CAMK2D: variants seen among roughly 807,000 people sequenced by gnomAD.
CAMK2D encodes the protein calcium/calmodulin dependent protein kinase II delta.
Under a neutral mutation model 84.0 loss-of-function variants are expected in CAMK2D, and 37 were observed. The observed-to-expected ratio is 0.44, with a 90% CI of 0.34 to 0.58. CAMK2D has a LOEUF of 0.58. Among genes scored for constraint, CAMK2D ranks in the 20% least tolerant of loss-of-function variants. CAMK2D has a pLI of 0.02. For missense variants in CAMK2D, 448 were observed against 652.5 expected (o/e 0.69, Z 3.41); for synonymous variants, 202 against 212.5 (o/e 0.95, Z 0.43).
At chr4:113,656,914 C>A (rs779403021) in intron 3 of CAMK2D, among the ~76,000 whole-genome samples, 1 of 152,166 alleles carries the variant, frequency 6.6e-6, no homozygotes, top group Non-Finnish European at 1.5e-5. Flanking sequence ...CCTTCCTAAG[C>A]CAGCCTAAAT....
intron 3 of CAMK2D, among the ~76,000 whole-genome samples, chr4:113,632,114 G>C (rs560972336): frequency 1.3e-5 from 2 of 152,276 alleles, no homozygotes; most frequent in Admixed American, 1.3e-4. Flanking sequence ...AAGCCTATAT[G>C]ATGTGAATAG....
chr4:113,564,226 GC>G (rs2098712123), intron 4 of CAMK2D, among the ~76,000 whole-genome samples: 1 of 151,962 alleles, frequency 6.6e-6, no homozygotes, highest in Admixed American at 6.6e-5. Flanking sequence ...ATAGTTTCAG[GC>G]CTTTACCATG....
chr4:113,559,028 T>C (rs2098685903), intron 4 of CAMK2D, among the ~76,000 whole-genome samples: 1 of 151,960 alleles, frequency 6.6e-6, no homozygotes, highest in Non-Finnish European at 1.5e-5. Context: ...AAGAGGTAAA[T>C]GGAAGATTAC....
intron 3 of CAMK2D, among the ~76,000 whole-genome samples, chr4:113,655,126 A>G (rs1250653893): frequency 6.6e-6 from 1 of 152,074 alleles, no homozygotes; most frequent in Non-Finnish European, 1.5e-5. Flanking sequence ...TTGGAAGGAA[A>G]TAAAAAAGGC....
intron 16 of CAMK2D, among the ~76,000 whole-genome samples, chr4:113,465,984 G>A (rs2097456470): frequency 6.6e-6 from 1 of 152,080 alleles, no homozygotes; most frequent in Non-Finnish European, 1.5e-5. Context: ...GGGCAAAGTG[G>A]CTCATGCCTG....
At chr4:113,465,997 A>G (rs978795469) in intron 16 of CAMK2D, among the ~76,000 whole-genome samples, 2 of 152,070 alleles carry the variant, frequency 1.3e-5, no homozygotes, top group Non-Finnish European at 2.9e-5. Flanking sequence ...CATGCCTGTA[A>G]TCCCAGCACT....
intron 2 of CAMK2D, among the ~76,000 whole-genome samples, chr4:113,732,504 T>A (rs1174069915): frequency 2.0e-5 from 3 of 152,232 alleles, no homozygotes; most frequent in Non-Finnish European, 4.4e-5. Context: ...TGAGCTGTTA[T>A]GAATTCAGTA....
chr4:113,546,784 C>T (rs892470786), intron 6 of CAMK2D, among the ~76,000 whole-genome samples: 1 of 152,226 alleles, frequency 6.6e-6, no homozygotes, highest in Middle Eastern at 3.4e-3. Context: ...TTTTCGATTT[C>T]TAGGCTTCAC....
At chr4:113,512,212 T>C (rs1396863353) in intron 12 of CAMK2D, among the ~76,000 whole-genome samples, 1 of 152,178 alleles carries the variant, frequency 6.6e-6, no homozygotes, top group Non-Finnish European at 1.5e-5. Flanking sequence ...CTGCTTAGCA[T>C]TGAACAAGAT....
intron 16 of CAMK2D, among the ~76,000 whole-genome samples, chr4:113,475,744 C>G (rs1019168097): frequency 2.0e-5 from 3 of 152,218 alleles, no homozygotes; most frequent in Non-Finnish European, 4.4e-5. Flanking sequence ...CAGGAATATG[C>G]AGCAGCATCT....
At chr4:113,709,526 A>G (rs947373419) in intron 2 of CAMK2D, among the ~76,000 whole-genome samples, 1 of 151,432 alleles carries the variant, frequency 6.6e-6, no homozygotes, top group Admixed American at 6.6e-5. Context: ...TACAGGGTGG[A>G]ATGATTTAAA....
rs1467057214 is a variant in CAMK2D, at chr4:113,455,823, T to C, written c.1536-2A>G. 6.3e-7 allele frequency: 1 copy of C among 1,594,484 alleles called. No individual in the cohort carries two copies. The highest frequency in any genetic ancestry group is 1.1e-5 in the South Asian group (1 of 90,596). On this transcript the variant is annotated splice_acceptor_variant, in intron 19 of 20. Transcript: ENST00000511664. LOFTEE classifies it high-confidence loss of function. ...TTCCCATTTGGAATACAGGGTGGCC[T>C]ATTAAGAGAAGCCCCATTTAAGCCA...
At chr4:113,523,257 A>G (rs1194199540) in intron 8 of CAMK2D, among the ~76,000 whole-genome samples, 1 of 152,202 alleles carries the variant, frequency 6.6e-6, no homozygotes, top group Middle Eastern at 3.2e-3. Flanking sequence ...CATATCCTGT[A>G]ATAATCCTAA....
chr4:113,749,449 A>G (rs2099612152), intron 2 of CAMK2D, among the ~76,000 whole-genome samples: 2 of 152,172 alleles, frequency 1.3e-5, no homozygotes, highest in African/African-American at 2.4e-5. Context: ...AACTGCCTTT[A>G]CTAAAAAAAA....
chr4:113,586,967 A>AT (rs1195969092), intron 4 of CAMK2D, among the ~76,000 whole-genome samples: 1 of 152,226 alleles, frequency 6.6e-6, no homozygotes, highest in Non-Finnish European at 1.5e-5. Context: ...AAGGAAAGAG[A>AT]TAAAAACAAA....
intron 2 of CAMK2D, among the ~76,000 whole-genome samples, chr4:113,709,255 T>C (rs964989617): frequency 1.3e-5 from 2 of 152,190 alleles, no homozygotes; most frequent in African/African-American, 4.8e-5. Flanking sequence ...GAAATTTTAC[T>C]TGTAATCCAA....
chr4:113,582,752 G>A (rs2098816487), intron 4 of CAMK2D, among the ~76,000 whole-genome samples: 1 of 152,048 alleles, frequency 6.6e-6, no homozygotes, highest in Admixed American at 6.6e-5. Flanking sequence ...TAATGTATAA[G>A]GGCTCAGGTG....
intron 17 of CAMK2D, 105 bp from the exon 18 acceptor site, chr4:113,460,346 C>A: frequency 1.3e-6 from 1 of 742,710 alleles, no homozygotes; most frequent in Non-Finnish European, 2.4e-6. Flanking sequence ...AGGAAAGAGC[C>A]TCTAAAAACA....
intron 2 of CAMK2D, among the ~76,000 whole-genome samples, chr4:113,702,772 G>T (rs933934525): frequency 1.3e-5 from 2 of 152,090 alleles, no homozygotes; most frequent in Non-Finnish European, 2.9e-5. Flanking sequence ...GCTAGGCATG[G>T]TGGTATGCAC....
Sources: gnomAD v4.1 joint callset for allele counts (sites outside exome capture counted in the v4.1 genomes callset) on GRCh38, gnomAD v4.1.1 for gene constraint, MANE v1.5 for transcripts, NCBI Gene and HGNC (gene_info 2026-07-23, HGNC 2026-07-21) for gene names.